Variants in LUZP2 observed in about 807,000 individuals in gnomAD.
LUZP2 encodes leucine zipper protein 2.
In LUZP2, 52 loss-of-function variants were observed where a neutral mutation model predicts 51.6. That is an observed-to-expected ratio of 1.01 (90% CI 0.81 to 1.27). The LOEUF (loss-of-function observed/expected upper bound fraction) is 1.27, where lower values mean the gene tolerates loss of function less well. LUZP2 is among the 50% of genes most tolerant of loss of function. LUZP2 has a pLI of 0.00. For missense variants in LUZP2, 436 were observed against 395.4 expected (o/e 1.10, Z -0.87); for synonymous variants, 154 against 137.3 (o/e 1.12, Z -0.85).
At chr11:24,807,665 C>T (rs554804340) in intron 5 of LUZP2, among the ~76,000 whole-genome samples, 1 of 151,976 alleles carries the variant, frequency 6.6e-6, no homozygotes, top group African/African-American at 2.4e-5. Context: ...AGAGATTCAG[C>T]AAGTCCCATT....
At chr11:24,648,512 A>T (rs918075033) in intron 1 of LUZP2, among the ~76,000 whole-genome samples, 1 of 151,952 alleles carries the variant, frequency 6.6e-6, no homozygotes, top group Non-Finnish European at 1.5e-5. Flanking sequence ...TGTGAAACTG[A>T]TACATGAGCT....
At chr11:25,022,106 A>G (rs1857351879) in intron 9 of LUZP2, among the ~76,000 whole-genome samples, 1 of 152,056 alleles carries the variant, frequency 6.6e-6, no homozygotes, top group African/African-American at 2.4e-5. Context: ...TGGAGAACCA[A>G]TGCTCATCTA....
chr11:24,938,972 C>T (rs1195415201), intron 7 of LUZP2, among the ~76,000 whole-genome samples: 1 of 151,944 alleles, frequency 6.6e-6, no homozygotes, highest in Non-Finnish European at 1.5e-5. Context: ...TCAAACAAGC[C>T]CCAGCAAGGT....
At position 24,855,443 on chromosome 11, in the gene LUZP2, A is replaced by G. The variant is rs1851531740; in HGVS notation, c.397-50548A>G. 2.0e-5 allele frequency among the ~76,000 whole-genome samples: 3 copies of G among 152,198 alleles called. 1 individual carries two copies. The South Asian group carries it at 6.2e-4, about 31-fold the overall frequency. Reference sequence around the variant, plus strand: ...GAAATATCTCCGTAAGGAAACTACTAAAACTAATGAGAGAAATTGTAGATT... The same window carrying G: ...GAAATATCTCCGTAAGGAAACTACTGAAACTAATGAGAGAAATTGTAGATT... On this transcript the variant is annotated intron_variant, in intron 5 of 11. Transcript: ENST00000336930.
chr11:24,639,518 C>G (rs959918029), intron 1 of LUZP2, among the ~76,000 whole-genome samples: 1 of 151,724 alleles, frequency 6.6e-6, no homozygotes, highest in Non-Finnish European at 1.5e-5. Context: ...GTGGTGAGAT[C>G]TCAGCTCACC....
chr11:24,999,691 G>T (rs1350602512), intron 9 of LUZP2, among the ~76,000 whole-genome samples: 1 of 152,116 alleles, frequency 6.6e-6, no homozygotes, highest in Non-Finnish European at 1.5e-5. Context: ...AGTGACACAT[G>T]CAATGTTATA....
intron 1 of LUZP2, among the ~76,000 whole-genome samples, chr11:24,660,601 G>C (rs1271858132): frequency 6.6e-6 from 1 of 152,082 alleles, no homozygotes; most frequent in Non-Finnish European, 1.5e-5. Flanking sequence ...AAGAACCCCT[G>C]ATCATAAATG....
At chr11:24,809,942 T>G (rs763551085) in intron 5 of LUZP2, among the ~76,000 whole-genome samples, 81 of 152,164 alleles carry the variant, frequency 5.3e-4, no homozygotes, top group Admixed American at 9.8e-4. Context: ...ATATAGCTAT[T>G]AAATAACTAT....
chr11:25,012,214 A>G lies in LUZP2; in HGVS notation c.765+28921A>G, dbSNP rs1420095098. Among the ~76,000 whole-genome samples the G allele has an allele frequency of 2.0e-5, 3 of 152,124 alleles. No individual in the cohort carries two copies. The East Asian group carries it at 5.8e-4, about 29-fold the overall frequency. ...TCTCTCACTTACGCAAAATATAATA[A>G]CCTCTTAGTCTCTACATCTTTATGA... On this transcript the variant is annotated intron_variant, in intron 9 of 11. Transcript: ENST00000336930.
At chr11:24,720,647 A>T (rs1294889671) in intron 1 of LUZP2, among the ~76,000 whole-genome samples, 1 of 152,118 alleles carries the variant, frequency 6.6e-6, no homozygotes, top group African/African-American at 2.4e-5. Context: ...GCTTACTGCA[A>T]GTGTTTCTGC....
chr11:24,632,016 T>C (rs1454126269), intron 1 of LUZP2, among the ~76,000 whole-genome samples: 1 of 152,020 alleles, frequency 6.6e-6, no homozygotes, highest in Non-Finnish European at 1.5e-5. Context: ...AAATGTAATA[T>C]GGATAGGCTT....
chr11:24,802,177 G>T (rs984186176), intron 5 of LUZP2, among the ~76,000 whole-genome samples: 1 of 151,964 alleles, frequency 6.6e-6, no homozygotes, highest in South Asian at 2.1e-4. Context: ...ACAATATGCA[G>T]TCTATTATAT....
At chr11:24,699,544 C>G (rs1857356903) in intron 1 of LUZP2, among the ~76,000 whole-genome samples, 1 of 151,544 alleles carries the variant, frequency 6.6e-6, no homozygotes, top group Non-Finnish European at 1.5e-5. Flanking sequence ...ATGAGATAAA[C>G]AAGGAAAGCA....
intron 10 of LUZP2, among the ~76,000 whole-genome samples, chr11:25,075,660 A>G (rs1007994211): frequency 6.6e-6 from 1 of 152,148 alleles, no homozygotes; most frequent in Non-Finnish European, 1.5e-5. Flanking sequence ...GTCTAGTAGT[A>G]GAAAAGATAA....
At chr11:24,937,777 C>T (rs537523522) in intron 7 of LUZP2, among the ~76,000 whole-genome samples, 1 of 151,732 alleles carries the variant, frequency 6.6e-6, no homozygotes, top group Non-Finnish European at 1.5e-5. Context: ...GGCGGGCGCC[C>T]GTAGTTCCAG....
At chr11:24,736,335 ATT>A (rs1858936168) in intron 3 of LUZP2, among the ~76,000 whole-genome samples, 1 of 152,016 alleles carries the variant, frequency 6.6e-6, no homozygotes, top group Admixed American at 6.6e-5. Flanking sequence ...AAAAATGAGA[ATT>A]TTAAATTAAA....
intron 1 of LUZP2, among the ~76,000 whole-genome samples, chr11:24,666,493 T>C (rs902963324): frequency 6.6e-6 from 1 of 152,124 alleles, no homozygotes; most frequent in East Asian, 1.9e-4. Context: ...TTGGAAAAGA[T>C]GGAAAGAAAC....
chr11:24,814,039 C>T (rs1352840627), intron 5 of LUZP2, among the ~76,000 whole-genome samples: 1 of 152,206 alleles, frequency 6.6e-6, no homozygotes, highest in Non-Finnish European at 1.5e-5. Flanking sequence ...ACACAGTGAA[C>T]AATTGGTAGT....
chr11:24,773,646 C>A (rs1040088308), intron 5 of LUZP2, among the ~76,000 whole-genome samples: 17 of 152,130 alleles, frequency 1.1e-4, no homozygotes, highest in African/African-American at 3.9e-4. Flanking sequence ...TTATTCATGG[C>A]TTGGGAGGTC....
Sources: allele counts gnomAD v4.1 joint callset (sites outside exome capture counted in the v4.1 genomes callset), GRCh38; gene constraint gnomAD v4.1.1; transcripts MANE v1.5; gene names NCBI Gene and HGNC (gene_info 2026-07-23, HGNC 2026-07-21).